C2orf92: variants seen among roughly 807,000 people sequenced by gnomAD.
C2orf92 encodes chromosome 2 open reading frame 92.
chr2:97,687,254 C>T (rs936017390), intron 3 of C2orf92, among the ~76,000 whole-genome samples: 1 of 152,118 alleles, frequency 6.6e-6, no homozygotes, highest in Non-Finnish European at 1.5e-5. Context: ...GTAGTCTCAG[C>T]TACTCAGGAG....
chr2:97,665,275 C>T (rs977440300), upstream of C2orf92, among the ~76,000 whole-genome samples: 23 of 152,062 alleles, frequency 1.5e-4, no homozygotes, highest in Admixed American at 1.3e-3. Flanking sequence ...AAAATTGAAG[C>T]GGGTGTGCAG....
intron 3 of C2orf92, among the ~76,000 whole-genome samples, chr2:97,684,325 G>T (rs1477434173): frequency 6.6e-6 from 1 of 152,048 alleles, no homozygotes; most frequent in Non-Finnish European, 1.5e-5. Flanking sequence ...ATGAGCCACC[G>T]TGCCCGGCCA....
At chr2:97,700,888 C>T (rs1234006983) in intron 6 of C2orf92, among the ~76,000 whole-genome samples, 1 of 152,168 alleles carries the variant, frequency 6.6e-6, no homozygotes, top group Non-Finnish European at 1.5e-5. Flanking sequence ...CGCCACCACG[C>T]CCGGCTAATT....
chr2:97,677,595 A>G (rs1227489524), intron 3 of C2orf92: 2 of 152,250 alleles, frequency 1.3e-5, no homozygotes, highest in Non-Finnish European at 2.9e-5. Context: ...AGAGAGGATT[A>G]GATTTCCAGA....
intron 7 of C2orf92, among the ~76,000 whole-genome samples, chr2:97,701,670 G>A (rs1020790132): frequency 6.6e-6 from 1 of 152,214 alleles, no homozygotes; most frequent in African/African-American, 2.4e-5. Flanking sequence ...AGGGTGAGGA[G>A]GGCTGAAGCC....
Position 97,690,277 on chromosome 2 carries a change from C to T in C2orf92, c.353C>T (p.Ser118Phe), listed in dbSNP as rs1223565996. The T allele has an allele frequency of 2.3e-5, 9 of 398,892 alleles. No individual in the cohort carries two copies. Among genetic ancestry groups the T allele is most frequent in the Non-Finnish European group, 3.1e-5 (7 of 226,058 alleles). 24.7% of individuals were successfully genotyped at this position (398,892 alleles called of 1,614,324 possible). A position where few individuals can be genotyped will look rare whatever the true frequency, so the allele number is the denominator to read the frequency against. Residue 118 changes from serine (S) to phenylalanine (F), a missense_variant, in exon 5 of 8, where the codon TCT becomes TTT. Ser to Phe is a radical substitution (Grantham distance 155). Coordinates refer to ENST00000627399, the MANE Select transcript of C2orf92 (RefSeq NM_001351368.2). The stretch of plus-strand genomic sequence containing the variant: ...AAAGGAACCAGCATTGCTTGGAATT[C>T]TCCTAAACCAGAATATTTCCTTGGC... ...MRKGTSIAWNSPKPEYFLGSV... is the reference protein window; with the variant it reads ...MRKGTSIAWNFPKPEYFLGSV...
intron 5 of C2orf92, among the ~76,000 whole-genome samples, chr2:97,694,081 A>G (rs950265619): frequency 2.0e-5 from 3 of 151,992 alleles, no homozygotes; most frequent in Non-Finnish European, 4.4e-5. Flanking sequence ...CCTCCATCTC[A>G]GCATCCCCTG....
At chr2:97,675,100 G>GTT (rs1675534106) in intron 2 of C2orf92, among the ~76,000 whole-genome samples, 2 of 152,198 alleles carry the variant, frequency 1.3e-5, no homozygotes, top group Non-Finnish European at 2.9e-5. Context: ...CTGAGAGGAA[G>GTT]CAGCTGGCCA....
chr2:97,699,069 C>G lies in C2orf92; in HGVS notation c.447C>G (p.Phe149Leu). Residue 149 changes from phenylalanine to leucine, a missense_variant, in exon 6 of 8, where the codon TTC (phenylalanine) becomes TTG (leucine). Coordinates refer to ENST00000627399, the MANE Select transcript of C2orf92 (RefSeq NM_001351368.2). ...EEKNFKESCLFDRDLREQLTT... is the reference protein window; with the variant it reads ...EEKNFKESCLLDRDLREQLTT... Reference sequence around the variant, plus strand: ...AGAATTTTAAAGAATCCTGTCTGTTCGACAGGGATTTAAGAGAGCAGTTAA... The same window carrying G: ...AGAATTTTAAAGAATCCTGTCTGTTGGACAGGGATTTAAGAGAGCAGTTAA... The G allele has an allele frequency of 2.5e-6, 1 of 398,414 alleles. No individual in the cohort carries two copies. The highest frequency in any genetic ancestry group is 4.4e-6 in the Non-Finnish European group (1 of 226,026). The allele number at this position is 398,414 out of a possible 1,614,324, so 24.7% of individuals were successfully genotyped here.
intron 1 of C2orf92, chr2:97,671,344 C>T: frequency 2.5e-6 from 1 of 393,000 alleles, no homozygotes; most frequent in Non-Finnish European, 4.5e-6. Flanking sequence ...CGGGGGTCTC[C>T]CTATGTTTCC....
intron 5 of C2orf92, among the ~76,000 whole-genome samples, chr2:97,691,946 AC>A (rs1676154646): frequency 6.6e-6 from 1 of 152,126 alleles, no homozygotes; most frequent in South Asian, 2.1e-4. Flanking sequence ...GTCTTGTCGG[AC>A]TAGTTCCCCT....
Position 97,703,045 on chromosome 2 carries a change from C to A in C2orf92, c.*244C>A. ...ACTATGGATTTATCATTTAATAAAGCATTGATTCATTTTTTCAGTCATTCA... is the reference window on the plus strand; with the variant it reads ...ACTATGGATTTATCATTTAATAAAGAATTGATTCATTTTTTCAGTCATTCA... On this transcript the variant is annotated 3_prime_UTR_variant, in exon 8 of 8. Transcript: ENST00000627399. The A allele has an allele frequency of 3.0e-6, 1 of 336,734 alleles. No homozygotes were observed. Among genetic ancestry groups the A allele is most frequent in the Non-Finnish European group, 5.3e-6 (1 of 188,254 alleles). 20.9% of individuals were successfully genotyped at this position (336,734 alleles called of 1,614,324 possible).
chr2:97,669,878 A>G (rs1361340545), intron 1 of C2orf92, 44 bp downstream of exon 1: 1 of 398,488 alleles, frequency 2.5e-6, no homozygotes, highest in Non-Finnish European at 4.4e-6. Context: ...GCCTCACTTC[A>G]AGCCTAAGTG....
At chr2:97,687,409 TACC>T (rs897502034) in intron 3 of C2orf92, among the ~76,000 whole-genome samples, 5 of 152,140 alleles carry the variant, frequency 3.3e-5, no homozygotes, top group South Asian at 4.2e-4. Flanking sequence ...AAGTGTATTT[TACC>T]ACCACCACCA....
chr2:97,674,122 G>A (rs1255886483), intron 1 of C2orf92: 1 of 197,956 alleles, frequency 5.1e-6, no homozygotes, highest in Non-Finnish European at 1.0e-5. Context: ...GGTCGGGAAA[G>A]GCCCGCTTCT....
intron 3 of C2orf92, among the ~76,000 whole-genome samples, chr2:97,678,463 T>G (rs1451012040): frequency 6.6e-6 from 1 of 151,904 alleles, no homozygotes; most frequent in African/African-American, 2.4e-5. Flanking sequence ...TTCAAGTTAC[T>G]CAATGAACTC....
intron 3 of C2orf92, among the ~76,000 whole-genome samples, chr2:97,685,994 A>G (rs1284880611): frequency 2.6e-5 from 4 of 152,244 alleles, no homozygotes; most frequent in African/African-American, 9.6e-5. Context: ...CTGTTATAAC[A>G]GAATACCACA....
At chr2:97,698,347 T>C (rs1377537207) in intron 5 of C2orf92, among the ~76,000 whole-genome samples, 1 of 152,198 alleles carries the variant, frequency 6.6e-6, no homozygotes, top group Non-Finnish European at 1.5e-5. Context: ...ACAGGTCCCA[T>C]ATGCAAACGA....
upstream of C2orf92, chr2:97,669,433 C>T (rs554109504): frequency 1.2e-5 from 2 of 173,462 alleles, no homozygotes; most frequent in Non-Finnish European, 2.4e-5. Context: ...ATTTTTCTGG[C>T]TATTCTAGCT....
Sources: allele counts gnomAD v4.1 joint callset (sites outside exome capture counted in the v4.1 genomes callset), GRCh38; gene constraint gnomAD v4.1.1; transcripts MANE v1.5; gene names NCBI Gene and HGNC (gene_info 2026-07-23, HGNC 2026-07-21).